Variants in CEP104 observed in about 807,000 individuals in gnomAD.
CEP104 encodes centrosomal protein 104.
Under a neutral mutation model 113.3 loss-of-function variants are expected in CEP104, and 84 were observed. That is an observed-to-expected ratio of 0.74 (90% CI 0.62 to 0.89). The LOEUF is 0.89. CEP104 is among the 40% of genes least tolerant of loss of function. The probability of loss-of-function intolerance (pLI) is 0.00; values close to 1 mark genes in which losing one functional copy is unlikely to be tolerated. For synonymous variants in CEP104, 378 were observed against 421.7 expected (o/e 0.90, Z 1.27); for missense variants, 1,053 against 1,156.6 (o/e 0.91, Z 1.30).
chr1:3,837,038 G>T (rs1644327902), intron 9 of CEP104: 3 of 525,476 alleles, frequency 5.7e-6, no homozygotes, highest in South Asian at 2.7e-5. Context: ...CAAGATCTCT[G>T]ATATTTTCTT....
At chr1:3,826,017 C>A in intron 17 of CEP104, 151 bp from the exon 18 acceptor site, 1 of 680,086 alleles carries the variant, frequency 1.5e-6, no homozygotes, top group South Asian at 1.7e-5. Context: ...GTTTGCTCTG[C>A]AGGGCCCGGG....
intron 13 of CEP104, among the ~76,000 whole-genome samples, chr1:3,830,825 C>T (rs1222762893): frequency 6.6e-6 from 1 of 151,484 alleles, no homozygotes; most frequent in Non-Finnish European, 1.5e-5. Context: ...TGATTTGTTT[C>T]TCTCCACAGA....
rs1644167450 is a variant in CEP104 at position 3,829,893 on chromosome 1, G to A, written c.1941C>T (p.Tyr647=). The A allele has an allele frequency of 6.2e-7, 1 of 1,613,978 alleles. No individual in the cohort carries two copies. The highest frequency in any genetic ancestry group is 1.3e-5 in the African/African-American group (1 of 75,036). ...YRQHQASILE[Y]LPPDDSNTRR... ...GTGTGTTGCTGTCGTCTGGAGGAAG[G>A]TACTCCAGGATGGAAGCCTGGTGCT... The change falls in exon 14 of 22, where the codon TAC becomes TAT. Residue 647 remains tyrosine, a synonymous_variant. Transcript: ENST00000378230.
At position 3,829,787 on chromosome 1, in the gene CEP104, T is replaced by C. The variant is rs757423356; in HGVS notation, c.2043+4A>G. 6.2e-7 allele frequency: 1 copy of C among 1,613,620 alleles called. No homozygotes were observed. The highest frequency in any genetic ancestry group is 8.5e-7 in the Non-Finnish European group (1 of 1,179,548). ...ACATCACAACTTCACCAAAGTTAAC[T>C]CACCCTCATCTCAGCATCTGTAGCT... On this transcript the variant is annotated splice_donor_region_variant and intron_variant, in intron 14 of 21. Coordinates refer to ENST00000378230, the MANE Select transcript of CEP104 (RefSeq NM_014704.4).
At position 3,835,007 on chromosome 1, in the gene CEP104, C is replaced by T. The variant is rs775958624; in HGVS notation, c.1403G>A (p.Gly468Glu). ...GTTCTTTAAATCTTCTTTTGGGGTT[C>T]CAACAGGCATTTCCATTAACTTCTT... ...LSKKLMEMPV[G>E]TPKEDLKNTL... The change falls in exon 11 of 22, where the codon GGA becomes GAA. Residue 468 changes from glycine to glutamate, a missense_variant. Coordinates refer to ENST00000378230, the MANE Select transcript of CEP104 (RefSeq NM_014704.4). 2.7e-5 allele frequency: 43 copies of T among 1,613,818 alleles called. No homozygotes were observed. The highest frequency in any genetic ancestry group is 2.5e-4 in the South Asian group (23 of 91,002).
Position 3,834,940 on chromosome 1 carries a change from CT to C in CEP104, c.1469del (p.Lys490ArgfsTer4). 6.3e-7 allele frequency: 1 copy of C among 1,594,578 alleles called. No individual in the cohort carries two copies. Among genetic ancestry groups the C allele is most frequent in the Non-Finnish European group, 8.5e-7 (1 of 1,169,788 alleles). ...GGGCACTCACGGAGGTCACAATGTC[CT>C]TTATGGCTCTTCTAACGAGAAAGAC... ...ASVFLVRRAI[K>X]DIVTSVFQAS... On this transcript the variant is annotated frameshift_variant, in exon 11 of 22. Coordinates refer to ENST00000378230, the MANE Select transcript of CEP104 (RefSeq NM_014704.4). LOFTEE classifies it high-confidence loss of function.
Position 3,839,597 on chromosome 1 carries a change from A to C in CEP104, c.735+11T>G. 1 of 1,607,566 alleles carries C rather than the reference A, an allele frequency of 6.2e-7. No homozygotes were observed. Among genetic ancestry groups the C allele is most frequent in the Non-Finnish European group, 8.5e-7 (1 of 1,177,712 alleles). On this transcript the variant is annotated intron_variant, in intron 7 of 21. Coordinates refer to ENST00000378230, the MANE Select transcript of CEP104 (RefSeq NM_014704.4). Reference sequence around the variant, plus strand: ...GCATAAATTAGGAACTGTTTTCTCCAAAGGCAATACCTTTTGCAAATCAGC... The same window carrying C: ...GCATAAATTAGGAACTGTTTTCTCCCAAGGCAATACCTTTTGCAAATCAGC...
intron 18 of CEP104, 42 bp downstream of exon 18, chr1:3,825,716 C>G: frequency 7.8e-7 from 1 of 1,274,726 alleles, no homozygotes; most frequent in Non-Finnish European, 1.1e-6. Flanking sequence ...GCCAGGTGTT[C>G]CCGCTCATGC....
intron 20 of CEP104, among the ~76,000 whole-genome samples, chr1:3,817,315 C>T (rs1299097380): frequency 1.3e-5 from 2 of 152,260 alleles, no homozygotes; most frequent in East Asian, 3.9e-4. Flanking sequence ...GCACTCCAGC[C>T]CGGGCAACAG....
At chr1:3,818,182 A>G (rs956074122) in intron 20 of CEP104, among the ~76,000 whole-genome samples, 2 of 152,130 alleles carry the variant, frequency 1.3e-5, no homozygotes, top group African/African-American at 2.4e-5. Flanking sequence ...TTTCTTCCCC[A>G]GCGCCTGGTT....
intron 7 of CEP104, 127 bp downstream of exon 7, chr1:3,839,481 A>G (rs1318257939): frequency 9.3e-6 from 8 of 860,506 alleles, no homozygotes; most frequent in Non-Finnish European, 1.3e-5. Flanking sequence ...TATTTTGCTG[A>G]GATCTTTGAA....
intron 3 of CEP104, among the ~76,000 whole-genome samples, chr1:3,847,880 G>C (rs1368498309): frequency 6.6e-6 from 1 of 152,030 alleles, no homozygotes; most frequent in Non-Finnish European, 1.5e-5. Context: ...TGCTACCCAG[G>C]CTGGAGTGCA....
At chr1:3,830,947 A>G in intron 13 of CEP104, 99 bp downstream of exon 13, 2 of 1,243,326 alleles carry the variant, frequency 1.6e-6, no homozygotes, top group Admixed American at 5.2e-5. Context: ...TCACTGCCTC[A>G]GTCATTCCTT....
intron 13 of CEP104, among the ~76,000 whole-genome samples, chr1:3,830,297 C>T (rs370624117): frequency 6.6e-6 from 1 of 151,852 alleles, no homozygotes; most frequent in Admixed American, 6.6e-5. Flanking sequence ...TGGAGGTGTG[C>T]GCTCCTGCGT....
rs376407444 is a variant in CEP104, at chr1:3,826,659, C to T, written c.2188+49G>A. ...TTCCATGACATGCATTTACACACCCCGATTCTTTACACACCCCAGTTCTTT... is the reference window on the plus strand; with the variant it reads ...TTCCATGACATGCATTTACACACCCTGATTCTTTACACACCCCAGTTCTTT... On this transcript the variant is annotated intron_variant, in intron 16 of 21. Coordinates refer to ENST00000378230, the MANE Select transcript of CEP104 (RefSeq NM_014704.4). The T allele has an allele frequency of 6.7e-5, 108 of 1,604,540 alleles. 1 individual carries two copies. The East Asian group carries it at 1.2e-3, about 19-fold the overall frequency.
chr1:3,828,857 T>TAAGG (rs1644144264), intron 15 of CEP104, among the ~76,000 whole-genome samples: 1 of 149,530 alleles, frequency 6.7e-6, no homozygotes, highest in Admixed American at 6.6e-5. Flanking sequence ...AGGCTTAGAG[T>TAAGG]AAGGGCTCAT....
chr1:3,842,466 C>G (rs1644430847), intron 6 of CEP104, among the ~76,000 whole-genome samples: 1 of 152,234 alleles, frequency 6.6e-6, no homozygotes, highest in Non-Finnish European at 1.5e-5. Context: ...CAGCTCTGGT[C>G]TGCACCAGGC....
intron 20 of CEP104, among the ~76,000 whole-genome samples, chr1:3,821,542 G>A (rs1643972150): frequency 6.6e-6 from 1 of 152,224 alleles, no homozygotes. Flanking sequence ...GATGAACGAA[G>A]GAGGGATGAC....
chr1:3,843,318 A>G, intron 6 of CEP104: 1 of 576,120 alleles, frequency 1.7e-6, no homozygotes, highest in Non-Finnish European at 3.1e-6. Flanking sequence ...CCCGGTTCTT[A>G]CACTGCTAAA....
Sources: allele counts gnomAD v4.1 joint callset (sites outside exome capture counted in the v4.1 genomes callset), GRCh38; gene constraint gnomAD v4.1.1; transcripts MANE v1.5; gene names NCBI Gene and HGNC (gene_info 2026-07-23, HGNC 2026-07-21).